The following EPHB2 variants were observed in gnomAD, a reference collection of about 807,000 sequenced individuals.
The protein encoded by EPHB2 is ephrin type-B receptor 2.
A neutral mutation model predicts 96.4 loss-of-function variants in EPHB2; 18 were observed. That is an observed-to-expected ratio of 0.19 (90% CI 0.13 to 0.28). The LOEUF is 0.28. EPHB2 is among the 10% of genes least tolerant of loss of function. The pLI, the probability that EPHB2 is intolerant of heterozygous loss-of-function variation, is 1.00. For missense variants in EPHB2, 989 were observed against 1,355.4 expected, an observed-to-expected ratio of 0.73 and a Z score of 4.25; for synonymous variants, 506 against 534.1, an observed-to-expected ratio of 0.95 and a Z score of 0.72.
At chr1:22,883,369 C>G (rs1441787956) in intron 6 of EPHB2, among the ~76,000 whole-genome samples, 1 of 152,216 alleles carries the variant, frequency 6.6e-6, no homozygotes, top group African/African-American at 2.4e-5. Flanking sequence ...AGGTAGACAG[C>G]ACAATTGCCC....
At chr1:22,861,878 A>AG (rs1267343469) in intron 3 of EPHB2, among the ~76,000 whole-genome samples, 1 of 152,244 alleles carries the variant, frequency 6.6e-6, no homozygotes, top group Admixed American at 6.5e-5. Flanking sequence ...AAGAACCCAC[A>AG]GCACCCAGGC....
At position 22,804,891 on chromosome 1, in the gene EPHB2, C is replaced by T. The variant is rs77657074; in HGVS notation, c.811+19815C>T. 2.0e-3 allele frequency among the ~76,000 whole-genome samples: 303 copies of T among 152,118 alleles called. 11 individuals are homozygous for T. The East Asian group carries it at 0.043, about 22-fold the overall frequency. ...CCCTGCCTCCCCACTTGTCTCTCTC[C>T]CCGTCTCTCTAGCTCCCTCCCCATT... On this transcript the variant is annotated intron_variant, in intron 3 of 15. Transcript: ENST00000374630.
intron 3 of EPHB2, among the ~76,000 whole-genome samples, chr1:22,821,874 T>C (rs4480326): frequency 1 from 151,994 of 152,330 alleles, 75,832 homozygotes; most frequent in Middle Eastern, 1. Context: ...CTAGGGGTGG[T>C]TTTTGCTTAG....
At chr1:22,715,383 T>TG (rs1034657719) in intron 1 of EPHB2, among the ~76,000 whole-genome samples, 1 of 152,062 alleles carries the variant, frequency 6.6e-6, no homozygotes, top group Non-Finnish European at 1.5e-5. Flanking sequence ...CCACTTCTGA[T>TG]GGGGGGTGGG....
At chr1:22,810,098 G>T (rs1364319701) in intron 3 of EPHB2, among the ~76,000 whole-genome samples, 1 of 152,186 alleles carries the variant, frequency 6.6e-6, no homozygotes, top group African/African-American at 2.4e-5. Context: ...GTGACCCGGA[G>T]TTCAGCCTGA....
At chr1:22,885,717 C>G (rs961156940) in intron 6 of EPHB2, among the ~76,000 whole-genome samples, 3 of 151,886 alleles carry the variant, frequency 2.0e-5, no homozygotes, top group African/African-American at 7.3e-5. Context: ...CTGGGATGAC[C>G]TTTAAGAGGT....
chr1:22,772,059 C>G (rs1644385832), intron 1 of EPHB2, among the ~76,000 whole-genome samples: 1 of 151,678 alleles, frequency 6.6e-6, no homozygotes, highest in Non-Finnish European at 1.5e-5. Context: ...TGTTCATTTA[C>G]CACCCACCCC....
intron 2 of EPHB2, among the ~76,000 whole-genome samples, chr1:22,783,696 C>T (rs1217641953): frequency 6.6e-6 from 1 of 152,206 alleles, no homozygotes; most frequent in African/African-American, 2.4e-5. Context: ...TGGCCCAGCC[C>T]CTTGCAGCGG....
intron 5 of EPHB2, among the ~76,000 whole-genome samples, chr1:22,868,106 G>A (rs1365248532): frequency 6.6e-6 from 1 of 152,164 alleles, no homozygotes; most frequent in Non-Finnish European, 1.5e-5. Flanking sequence ...CTCTGCAGGT[G>A]GAACTGCCTA....
chr1:22,895,326 C>T (rs1639521819), intron 7 of EPHB2, 146 bp from the exon 8 acceptor site: 1 of 733,276 alleles, frequency 1.4e-6, no homozygotes, highest in Non-Finnish European at 2.4e-6. Flanking sequence ...CCCTTTTCTG[C>T]ATGGGCATGT....
intron 1 of EPHB2, among the ~76,000 whole-genome samples, chr1:22,750,651 AG>A (rs1219693414): frequency 1.3e-5 from 2 of 152,268 alleles, no homozygotes; most frequent in African/African-American, 4.8e-5. Flanking sequence ...CTTCAAGCTC[AG>A]AACCTGCTAG....
chr1:22,903,430 G>A (rs551852637), intron 9 of EPHB2, among the ~76,000 whole-genome samples: 4 of 152,336 alleles, frequency 2.6e-5, no homozygotes, highest in Admixed American at 6.5e-5. Flanking sequence ...TGATCATGGC[G>A]GAATACTCCA....
In EPHB2 at chr1:22,741,689, C is replaced by CAA. The variant is rs1553160119; in HGVS notation, c.61+30652_61+30653dup. On this transcript the variant is annotated intron_variant, in intron 1 of 15. Coordinates refer to ENST00000374630, the MANE Select transcript of EPHB2 (RefSeq NM_017449.5). Reference sequence around the variant, plus strand: ...TGGTTTTCTTCCCAGCAAAAAAAAACAAAAAAACAAAAAACCTCAGTTTCT... The same window carrying CAA: ...TGGTTTTCTTCCCAGCAAAAAAAAACAAAAAAAAACAAAAAACCTCAGTTTCT... 4.6e-3 allele frequency among the ~76,000 whole-genome samples: 581 copies of CAA among 126,582 alleles called. 32 individuals are homozygous for CAA. In the East Asian group the frequency reaches 0.097, roughly 21 times the overall value. The allele number at this position is 126,582 out of a possible 152,430, so 83.0% of individuals were successfully genotyped here. A position where few individuals can be genotyped will look rare whatever the true frequency, so the allele number is the denominator to read the frequency against.
rs555519466 is a variant in EPHB2 at position 22,920,408 on chromosome 1, A to G, written c.*6838A>G. ...CGAAGCAGAACCCCTTCCTATTCAG[A>G]GCCAGAGTCTTAACACTGGACAACC... On this transcript the variant is annotated 3_prime_UTR_variant, in exon 16 of 16. Coordinates refer to ENST00000374630, the MANE Select transcript of EPHB2 (RefSeq NM_017449.5). 1 of 152,390 alleles carries G rather than the reference A, an allele frequency of 6.6e-6. No individual in the cohort carries two copies. Among genetic ancestry groups the G allele is most frequent in the East Asian group, 1.9e-4 (1 of 5,186 alleles). 9.4% of individuals were successfully genotyped at this position (152,390 alleles called of 1,614,324 possible).
chr1:22,819,116 C>CG (rs1645114437), intron 3 of EPHB2, among the ~76,000 whole-genome samples: 1 of 151,898 alleles, frequency 6.6e-6, no homozygotes, highest in Admixed American at 6.6e-5. Context: ...CCTTTGCTGC[C>CG]GAGGAGCTAT....
chr1:22,714,444 T>G (rs1643241131), intron 1 of EPHB2, among the ~76,000 whole-genome samples: 1 of 152,188 alleles, frequency 6.6e-6, no homozygotes, highest in African/African-American at 2.4e-5. Flanking sequence ...AGCATGTCTA[T>G]ATGTCCATAG....
chr1:22,750,133 C>A (rs534650171), intron 1 of EPHB2, among the ~76,000 whole-genome samples: 1 of 152,196 alleles, frequency 6.6e-6, no homozygotes. Flanking sequence ...GGTCACACAG[C>A]AAGCAAGTGT....
chr1:22,889,882 C>T (rs928908675), intron 6 of EPHB2, among the ~76,000 whole-genome samples: 3 of 152,112 alleles, frequency 2.0e-5, no homozygotes, highest in African/African-American at 4.8e-5. Flanking sequence ...AAATATTGCA[C>T]GGGGCGTACT....
At chr1:22,902,133 C>T (rs1639772483) in intron 9 of EPHB2, among the ~76,000 whole-genome samples, 1 of 152,294 alleles carries the variant, frequency 6.6e-6, no homozygotes, top group South Asian at 2.1e-4. Context: ...ACTCATTTAA[C>T]CTTTCTTATG....
Sources: gnomAD v4.1 joint callset for allele counts (sites outside exome capture counted in the v4.1 genomes callset) on GRCh38, gnomAD v4.1.1 for gene constraint, MANE v1.5 for transcripts, NCBI Gene and HGNC (gene_info 2026-07-23, HGNC 2026-07-21) for gene names.